TGFBR2: variants seen among roughly 807,000 people sequenced by gnomAD.
TGFBR2 encodes the protein TGF-beta receptor type-2.
Under a neutral mutation model 49.0 loss-of-function variants are expected in TGFBR2, and 18 were observed. That is an observed-to-expected ratio of 0.37 (90% CI 0.25 to 0.54). The LOEUF (loss-of-function observed/expected upper bound fraction) is 0.54, where lower values mean the gene tolerates loss of function less well. Among genes scored for constraint, TGFBR2 ranks in the 20% least tolerant of loss-of-function variants. The pLI is 0.85. For missense variants in TGFBR2, 525 were observed against 722.6 expected (o/e 0.73, Z 3.13); for synonymous variants, 282 against 275.9 (o/e 1.02, Z -0.22).
intron 5 of TGFBR2, among the ~76,000 whole-genome samples, chr3:30,683,983 T>G (rs1426098044): frequency 6.6e-6 from 1 of 152,196 alleles, no homozygotes; most frequent in Non-Finnish European, 1.5e-5. Context: ...TCTTCCCTTC[T>G]TCTGCTGAGT....
intron 1 of TGFBR2, among the ~76,000 whole-genome samples, chr3:30,627,082 A>G (rs1454659643): frequency 6.6e-6 from 1 of 152,172 alleles, no homozygotes; most frequent in Non-Finnish European, 1.5e-5. Context: ...CACATGGGAA[A>G]TAAAAATCTA....
chr3:30,622,177 C>A (rs1427824188), intron 1 of TGFBR2, among the ~76,000 whole-genome samples: 1 of 152,228 alleles, frequency 6.6e-6, no homozygotes, highest in East Asian at 1.9e-4. Flanking sequence ...TTGGAGTGAG[C>A]CCCTGAAAAG....
intron 3 of TGFBR2, among the ~76,000 whole-genome samples, chr3:30,670,847 C>A (rs1396240115): frequency 6.6e-6 from 1 of 152,196 alleles, no homozygotes; most frequent in African/African-American, 2.4e-5. Flanking sequence ...CATGAAACTA[C>A]AATTCGTATG....
At chr3:30,666,188 T>G (rs1280188749) in intron 3 of TGFBR2, among the ~76,000 whole-genome samples, 1 of 152,334 alleles carries the variant, frequency 6.6e-6, no homozygotes, top group Non-Finnish European at 1.5e-5. Flanking sequence ...TATTATAGCC[T>G]CATTTTTTTA....
At position 30,692,288 on chromosome 3, in the gene TGFBR2, C is replaced by T; in HGVS notation, c.*689C>T. Reference sequence around the variant, plus strand: ...GGGTTCCTGTGTGCCCTTATTTCTCCTGGACTTTTCATTTAAGCTCCAAGC... The same window carrying T: ...GGGTTCCTGTGTGCCCTTATTTCTCTTGGACTTTTCATTTAAGCTCCAAGC... On this transcript the variant is annotated 3_prime_UTR_variant, in exon 7 of 7. Coordinates refer to ENST00000295754, the MANE Select transcript of TGFBR2 (RefSeq NM_003242.6). 4.3e-6 allele frequency: 1 copy of T among 230,180 alleles called. No individual in the cohort carries two copies. 14.3% of individuals were successfully genotyped at this position (230,180 alleles called of 1,614,324 possible).
At chr3:30,681,521 G>A (rs1699540093) in intron 5 of TGFBR2, among the ~76,000 whole-genome samples, 1 of 152,146 alleles carries the variant, frequency 6.6e-6, no homozygotes, top group Admixed American at 6.5e-5. Context: ...TTTCTCTTAA[G>A]AGCCTTTTGA....
intron 1 of TGFBR2, among the ~76,000 whole-genome samples, chr3:30,624,464 A>G (rs1698292284): frequency 6.6e-6 from 1 of 151,912 alleles, no homozygotes; most frequent in South Asian, 2.1e-4. Flanking sequence ...AAAAATACAA[A>G]AATTAACTGG....
intron 1 of TGFBR2, among the ~76,000 whole-genome samples, chr3:30,643,679 G>A (rs779624503): frequency 2.0e-5 from 3 of 152,210 alleles, no homozygotes; most frequent in Non-Finnish European, 4.4e-5. Flanking sequence ...ATTTTTGTAT[G>A]CCTGCTATGT....
chr3:30,608,472 G>A (rs374608966), intron 1 of TGFBR2, among the ~76,000 whole-genome samples: 1 of 152,072 alleles, frequency 6.6e-6, no homozygotes, highest in African/African-American at 2.4e-5. Flanking sequence ...GACCCATGTA[G>A]ACTTTGGATG....
chr3:30,644,300 G>A (rs1022485345), intron 1 of TGFBR2, among the ~76,000 whole-genome samples: 6 of 152,150 alleles, frequency 3.9e-5, no homozygotes, highest in African/African-American at 1.2e-4. Flanking sequence ...TGCTCGCCTG[G>A]CTCCCACATC....
chr3:30,684,316 T>C (rs756971587), intron 5 of TGFBR2, among the ~76,000 whole-genome samples: 8 of 150,382 alleles, frequency 5.3e-5, no homozygotes, highest in Non-Finnish European at 1.0e-4. Context: ...GAGAGAAGGG[T>C]AAAGAAAGAA....
At chr3:30,638,053 T>A (rs1288234419) in intron 1 of TGFBR2, among the ~76,000 whole-genome samples, 1 of 152,256 alleles carries the variant, frequency 6.6e-6, no homozygotes, top group Admixed American at 6.5e-5. Context: ...TATGCATTTT[T>A]AATCTGCATT....
chr3:30,678,546 TA>T lies in TGFBR2; in HGVS notation c.1396+4322del, dbSNP rs1553630848. 1.8e-3 allele frequency among the ~76,000 whole-genome samples: 177 copies of T among 100,824 alleles called. 1 individual carries two copies. Among genetic ancestry groups the T allele is most frequent in the Admixed American group, 1.9e-3 (17 of 8,744 alleles). The allele number at this position is 100,824 out of a possible 152,430, so 66.1% of individuals were successfully genotyped here. A position where few individuals can be genotyped will look rare whatever the true frequency, so the allele number is the denominator to read the frequency against. On this transcript the variant is annotated intron_variant, in intron 5 of 6. Transcript: ENST00000295754. ...CTGGGCGACAGAGCAAGACTGCGTC[TA>T]AAAAAAAAAAAAAAAAAAAAAGAGG...
Position 30,650,001 on chromosome 3 carries a change from C to G in TGFBR2, c.264-269C>G, listed in dbSNP as rs531696290. 2.0e-5 allele frequency among the ~76,000 whole-genome samples: 3 copies of G among 152,210 alleles called. No homozygotes were observed. In the Middle Eastern group the frequency reaches 0.01, roughly 518 times the overall value. On this transcript the variant is annotated intron_variant, in intron 2 of 6. Coordinates refer to ENST00000295754, the MANE Select transcript of TGFBR2 (RefSeq NM_003242.6). ...GTAAAGTTCTCCACCAGGACTGCCC[C>G]GTGGAACGCTGTCTGCTCCAGGTGA...
At chr3:30,655,341 C>T (rs1473178976) in intron 3 of TGFBR2, among the ~76,000 whole-genome samples, 1 of 152,180 alleles carries the variant, frequency 6.6e-6, no homozygotes, top group African/African-American at 2.4e-5. Flanking sequence ...CTACATATCA[C>T]ACCACAAGGT....
chr3:30,651,049 C>G (rs1698874715), intron 3 of TGFBR2, among the ~76,000 whole-genome samples: 1 of 152,148 alleles, frequency 6.6e-6, no homozygotes, highest in South Asian at 2.1e-4. Flanking sequence ...AAGTTTACCC[C>G]TAGAGCCAGG....
intron 1 of TGFBR2, among the ~76,000 whole-genome samples, chr3:30,611,358 C>T (rs922226879): frequency 3.9e-5 from 6 of 152,174 alleles, no homozygotes; most frequent in African/African-American, 1.4e-4. Context: ...TAGTTCTGAT[C>T]ACAATAAGTA....
upstream of TGFBR2, chr3:30,606,547 T>A (rs1038796042): frequency 3.9e-5 from 11 of 284,278 alleles, 1 homozygote; most frequent in Non-Finnish European, 5.3e-5. Flanking sequence ...TGCCCAGCTG[T>A]TGGCGAGGAG....
At chr3:30,643,517 T>C (rs879926203) in intron 1 of TGFBR2, among the ~76,000 whole-genome samples, 1 of 152,224 alleles carries the variant, frequency 6.6e-6, no homozygotes, top group Non-Finnish European at 1.5e-5. Flanking sequence ...GTCTTCCATA[T>C]TTTATTGAAT....
Sources: gnomAD v4.1 joint callset for allele counts (sites outside exome capture counted in the v4.1 genomes callset) on GRCh38, gnomAD v4.1.1 for gene constraint, MANE v1.5 for transcripts, NCBI Gene and HGNC (gene_info 2026-07-23, HGNC 2026-07-21) for gene names.